CD47: variants seen among roughly 807,000 people sequenced by gnomAD.
The protein encoded by CD47 is leukocyte surface antigen CD47.
A neutral mutation model predicts 44.6 loss-of-function variants in CD47; 11 were observed. The ratio of observed to expected loss-of-function variants is 0.25; its 90% CI spans 0.16 to 0.41. The LOEUF is 0.41. Ranked by LOEUF, CD47 falls within the 10% of genes least tolerant of loss-of-function variation. The pLI, the probability that CD47 is intolerant of heterozygous loss-of-function variation, is 1.00. For missense variants in CD47, 306 were observed against 386.7 expected (o/e 0.79, Z 1.75); for synonymous variants, 140 against 136.3 (o/e 1.03, Z -0.19).
At chr3:108,050,426 G>T (rs1194071837) in intron 9 of CD47, 152 bp downstream of exon 9, 2 of 570,566 alleles carry the variant, frequency 3.5e-6, no homozygotes, top group South Asian at 2.2e-5. Context: ...CATAATTCTT[G>T]ATGAATAATC....
rs1365581895 is a variant in CD47, at chr3:108,050,599, C to T, written c.913G>A (p.Ala305Thr). ...ATACCATTAAGGGGTTCCTCTACAG[C>T]TTTCTGAAAAATATTTAAAATATAT... The part of the protein sequence containing the change: ...NQKTIQPPRK[A>T]VEEPLNAFKE... The change falls in exon 9 of 11, where the codon GCT becomes ACT. Residue 305 changes from alanine (A) to threonine (T), a missense_variant. By Grantham distance (58) the Ala-to-Thr change is moderately conservative (BLOSUM62 0). This residue lies in a region of CD47 where 131 missense variants were observed against 135.3 expected (regional missense o/e 0.97). Coordinates refer to ENST00000361309, the MANE Select transcript of CD47 (RefSeq NM_001777.4). 3.5e-6 allele frequency: 4 copies of T among 1,129,286 alleles called. No homozygotes were observed. The allele number at this position is 1,129,286 out of a possible 1,614,324, so 70.0% of individuals were successfully genotyped here. A position where few individuals can be genotyped will look rare whatever the true frequency, so the allele number is the denominator to read the frequency against.
chr3:108,088,734 C>T (rs1324982667), intron 1 of CD47, among the ~76,000 whole-genome samples: 1 of 151,966 alleles, frequency 6.6e-6, no homozygotes, highest in Non-Finnish European at 1.5e-5. Flanking sequence ...CTAATAAATA[C>T]CACTGAAACT....
At chr3:108,069,381 C>T (rs908163382) in intron 3 of CD47, among the ~76,000 whole-genome samples, 3 of 150,940 alleles carry the variant, frequency 2.0e-5, no homozygotes, top group African/African-American at 4.9e-5. Flanking sequence ...ATAAGCTGTA[C>T]GAGTCCATTT....
chr3:108,065,395 T>C (rs907192853), intron 3 of CD47, among the ~76,000 whole-genome samples: 6 of 152,332 alleles, frequency 3.9e-5, no homozygotes, highest in East Asian at 1.9e-4. Flanking sequence ...TGCTGAGCTA[T>C]AGATTTGTTC....
At chr3:108,072,341 C>T (rs1252485819) in intron 2 of CD47, among the ~76,000 whole-genome samples, 1 of 152,174 alleles carries the variant, frequency 6.6e-6, no homozygotes, top group Non-Finnish European at 1.5e-5. Context: ...CAGCCTTTCA[C>T]TCCATAATGA....
intron 7 of CD47, chr3:108,055,676 C>T: frequency 1.9e-6 from 1 of 520,830 alleles, no homozygotes; most frequent in Non-Finnish European, 3.4e-6. Flanking sequence ...TAAATTTTAG[C>T]ATATAGTATA....
intron 1 of CD47, among the ~76,000 whole-genome samples, chr3:108,085,554 G>T (rs1204543000): frequency 1.3e-5 from 2 of 152,058 alleles, no homozygotes; most frequent in African/African-American, 4.8e-5. Flanking sequence ...GTTCAATCTT[G>T]TTCCCCTTCC....
intron 4 of CD47, among the ~76,000 whole-genome samples, chr3:108,059,950 T>C (rs1311539796): frequency 6.6e-6 from 1 of 152,212 alleles, no homozygotes; most frequent in Non-Finnish European, 1.5e-5. Flanking sequence ...GCCAAGCCCA[T>C]GTTCCTAAAT....
rs889624596 is a variant in CD47, at chr3:108,055,436, A to G, written c.877+2041T>C. On this transcript the variant is annotated intron_variant, in intron 7 of 10. Coordinates refer to ENST00000361309, the MANE Select transcript of CD47 (RefSeq NM_001777.4). ...CAACCTTAATGTTACATAGATTCAG[A>G]TTTACACAGTCAGATTATATAAGCA... is the stretch of plus-strand genomic sequence containing the variant. The G allele has an allele frequency of 1.2e-5, 9 of 766,410 alleles. No homozygotes were observed. The African/African-American group carries it at 1.6e-4, about 14-fold the overall frequency. The allele number at this position is 766,410 out of a possible 1,614,324, so 47.5% of individuals were successfully genotyped here. A position where few individuals can be genotyped will look rare whatever the true frequency, so the allele number is the denominator to read the frequency against.
intron 2 of CD47, among the ~76,000 whole-genome samples, chr3:108,077,439 T>C (rs1473297237): frequency 1.3e-5 from 2 of 152,112 alleles, no homozygotes; most frequent in African/African-American, 4.8e-5. Context: ...CACTCTTACA[T>C]TGTTGATGGA....
At chr3:108,077,701 T>C (rs999679075) in intron 2 of CD47, among the ~76,000 whole-genome samples, 1 of 151,954 alleles carries the variant, frequency 6.6e-6, no homozygotes, top group African/African-American at 2.4e-5. Flanking sequence ...TACTATGGAC[T>C]ACTACTCAGC....
At position 108,083,896 on chromosome 3, in the gene CD47, CTTT is replaced by C. The variant is rs34994254; in HGVS notation, c.47-3555_47-3553del. Among the ~76,000 whole-genome samples the C allele has an allele frequency of 6.1e-3, 844 of 137,982 alleles. 5 individuals carry two copies. Among genetic ancestry groups the C allele is most frequent in the African/African-American group, 0.021 (793 of 38,386 alleles). 90.5% of individuals were successfully genotyped at this position (137,982 alleles called of 152,430 possible). The stretch of plus-strand genomic sequence containing the variant: ...TACCTGTAACCCCAACTATCCACAC[CTTT>C]TTTTTTTTTTTGCTTCCTTTTCTGA... On this transcript the variant is annotated intron_variant, in intron 1 of 10. Transcript: ENST00000361309.
Position 108,082,204 on chromosome 3 carries a change from C to T in CD47, c.47-1860G>A, listed in dbSNP as rs556092686. ...CAAGTGCTGGGCAATGTCTAACAGA[C>T]GCTTTGGAATTATCTGACTCTATAG... is the stretch of plus-strand genomic sequence containing the variant. On this transcript the variant is annotated intron_variant, in intron 1 of 10. Transcript: ENST00000361309. 4.6e-5 allele frequency among the ~76,000 whole-genome samples: 7 copies of T among 152,060 alleles called. No individual in the cohort carries two copies. The South Asian group carries it at 6.2e-4, about 14-fold the overall frequency.
At chr3:108,066,765 G>A (rs779587566) in intron 3 of CD47, among the ~76,000 whole-genome samples, 58 of 152,148 alleles carry the variant, frequency 3.8e-4, no homozygotes, top group Non-Finnish European at 5.9e-4. Flanking sequence ...CTGATTGTGC[G>A]AATGTCGACA....
chr3:108,075,295 T>C (rs1439939038), intron 2 of CD47, among the ~76,000 whole-genome samples: 1 of 152,144 alleles, frequency 6.6e-6, no homozygotes, highest in African/African-American at 2.4e-5. Flanking sequence ...AAGTGTTTAA[T>C]TTTTGCTTTC....
chr3:108,067,570 C>T lies in CD47; in HGVS notation c.490+3523G>A, dbSNP rs916927452. ...ACTTAATTGTCAGTAGAGTGGCAAA[C>T]TGTGAGTTGGTGTAGTTTTCAGAAC... On this transcript the variant is annotated intron_variant, in intron 3 of 10. Coordinates refer to ENST00000361309, the MANE Select transcript of CD47 (RefSeq NM_001777.4). Among the ~76,000 whole-genome samples the T allele has an allele frequency of 8.5e-4, 129 of 152,160 alleles. 1 individual carries two copies. The highest frequency in any genetic ancestry group is 1.2e-4 in the Non-Finnish European group (8 of 68,030).
At chr3:108,067,066 C>T (rs1195824754) in intron 3 of CD47, among the ~76,000 whole-genome samples, 2 of 152,098 alleles carry the variant, frequency 1.3e-5, no homozygotes, top group African/African-American at 4.8e-5. Context: ...CAAAGTTATG[C>T]AAGAAGAACA....
chr3:108,083,269 T>C (rs140742134), intron 1 of CD47, among the ~76,000 whole-genome samples: 3 of 152,166 alleles, frequency 2.0e-5, no homozygotes, highest in Non-Finnish European at 2.9e-5. Flanking sequence ...GAAACCTTCA[T>C]TGGAACTGTA....
intron 2 of CD47, among the ~76,000 whole-genome samples, chr3:108,072,128 T>G (rs2079215007): frequency 6.6e-6 from 1 of 152,218 alleles, no homozygotes; most frequent in African/African-American, 2.4e-5. Context: ...AAGACCATAA[T>G]TTTAGCTGTG....
Sources: gnomAD v4.1 joint callset for allele counts (sites outside exome capture counted in the v4.1 genomes callset) on GRCh38, gnomAD v4.1.1 for gene constraint, gnomAD v4.1.1 regional missense constraint, MANE v1.5 for transcripts, NCBI Gene and HGNC (gene_info 2026-07-23, HGNC 2026-07-21) for gene names.